Variants in TRIM33 observed in about 807,000 individuals in gnomAD.
TRIM33 encodes E3 ubiquitin-protein ligase TRIM33.
Under a neutral mutation model 125.4 loss-of-function variants are expected in TRIM33, and 20 were observed. That is an observed-to-expected ratio of 0.16 (90% CI 0.11 to 0.23). TRIM33 has a LOEUF of 0.23. Ranked by LOEUF, TRIM33 falls within the 10% of genes least tolerant of loss-of-function variation. The pLI, the probability that TRIM33 is intolerant of heterozygous loss-of-function variation, is 1.00. For missense variants in TRIM33, 920 were observed against 1,411.4 expected (o/e 0.65, Z 5.58); for synonymous variants, 564 against 513.9 (o/e 1.10, Z -1.32).
chr1:114,500,318 C>T (rs771099109), intron 1 of TRIM33, among the ~76,000 whole-genome samples: 1 of 152,012 alleles, frequency 6.6e-6, no homozygotes, highest in Non-Finnish European at 1.5e-5. Flanking sequence ...TTTTTGTTGT[C>T]GTTGTTTTTC....
At chr1:114,481,607 A>T (rs1651349581) in intron 1 of TRIM33, among the ~76,000 whole-genome samples, 1 of 151,478 alleles carries the variant, frequency 6.6e-6, no homozygotes, top group African/African-American at 2.4e-5. Flanking sequence ...AACCCAAGAA[A>T]AACAAAAAAA....
At position 114,424,632 on chromosome 1, in the gene TRIM33, C is replaced by T. The variant is rs751005966; in HGVS notation, c.1819G>A (p.Gly607Ser). The T allele has an allele frequency of 2.5e-5, 41 of 1,608,324 alleles. No individual in the cohort carries two copies. In the South Asian group the frequency reaches 2.6e-4, roughly 10 times the overall value. The change falls in exon 10 of 20, where the codon GGC becomes AGC. Residue 607 changes from glycine to serine, a missense_variant. Coordinates refer to ENST00000358465, the MANE Select transcript of TRIM33 (RefSeq NM_015906.4). ...ARIPGIPRHS[G>S]PQYSMMQPHL... Reference sequence around the variant, plus strand: ...GGCTGCATCATGGAATATTGAGGGCCGCTGTGCCTGGGTATCCCTGGTATT... The same window carrying T: ...GGCTGCATCATGGAATATTGAGGGCTGCTGTGCCTGGGTATCCCTGGTATT...
chr1:114,506,032 T>C (rs1002894413), intron 1 of TRIM33, among the ~76,000 whole-genome samples: 4 of 152,184 alleles, frequency 2.6e-5, no homozygotes, highest in Admixed American at 6.5e-5. Flanking sequence ...CCTCTTCGTA[T>C]TGCAAGACCT....
At chr1:114,448,802 G>A (rs1222525395) in intron 4 of TRIM33, among the ~76,000 whole-genome samples, 2 of 152,128 alleles carry the variant, frequency 1.3e-5, no homozygotes, top group Non-Finnish European at 2.9e-5. Flanking sequence ...GAATGAGCTG[G>A]AGTAACAGAT....
At chr1:114,432,712 G>C (rs1469508834) in intron 5 of TRIM33, among the ~76,000 whole-genome samples, 2 of 152,132 alleles carry the variant, frequency 1.3e-5, no homozygotes, top group African/African-American at 4.8e-5. Context: ...CGTGAACCCA[G>C]AAGGTGGAGC....
At chr1:114,413,513 G>A (rs1428818544) in intron 11 of TRIM33, among the ~76,000 whole-genome samples, 6 of 143,320 alleles carry the variant, frequency 4.2e-5, no homozygotes, top group Non-Finnish European at 7.5e-5. Context: ...AGTCAAGATC[G>A]TGCTATTGCA....
chr1:114,402,939 G>A (rs1041851720), intron 15 of TRIM33, 56 bp from the exon 16 acceptor site: 18 of 1,524,742 alleles, frequency 1.2e-5, no homozygotes, highest in Admixed American at 6.3e-5. Flanking sequence ...CTGCTCTAGA[G>A]AAGCTACTTC....
Position 114,463,524 on chromosome 1 carries a change from T to C in TRIM33, c.678A>G (p.Ala226=). Residue 226 remains alanine, a synonymous_variant, in exon 3 of 20, where the codon GCA becomes GCG. Transcript: ENST00000358465. ...VCTSCEDNAS[A]VGFCVECGEW... is the part of the protein sequence containing the mutation. ...CTCCACATTCTACACAAAAGCCAACTGCACTTGCATTGTCTTCACAACTAG... is the reference window on the plus strand; with the variant it reads ...CTCCACATTCTACACAAAAGCCAACCGCACTTGCATTGTCTTCACAACTAG... The C allele has an allele frequency of 6.2e-7, 1 of 1,610,500 alleles. No homozygotes were observed. The highest frequency in any genetic ancestry group is 8.5e-7 in the Non-Finnish European group (1 of 1,177,054).
At chr1:114,487,846 G>C (rs1158225242) in intron 1 of TRIM33, among the ~76,000 whole-genome samples, 2 of 138,008 alleles carry the variant, frequency 1.4e-5, no homozygotes, top group Non-Finnish European at 3.0e-5. Flanking sequence ...GCAATGAGCC[G>C]AGATTGCGCC....
At chr1:114,422,759 G>A (rs1647283122) in intron 10 of TRIM33, among the ~76,000 whole-genome samples, 1 of 152,020 alleles carries the variant, frequency 6.6e-6, no homozygotes, top group Non-Finnish European at 1.5e-5. Context: ...TCGAATATTT[G>A]ATGATTAACA....
At chr1:114,427,653 C>T in intron 7 of TRIM33, 95 bp downstream of exon 7, 1 of 1,344,586 alleles carries the variant, frequency 7.4e-7, no homozygotes, top group Non-Finnish European at 1.0e-6. Flanking sequence ...TTACATTTGC[C>T]AAAATTAAAA....
chr1:114,425,768 C>A (rs1647528144), intron 8 of TRIM33, 45 bp from the exon 9 acceptor site: 3 of 1,397,932 alleles, frequency 2.1e-6, no homozygotes, highest in Non-Finnish European at 3.0e-6. Context: ...TCAACTAAAT[C>A]ATCTACTTTG....
At chr1:114,504,537 A>G (rs1049267905) in intron 1 of TRIM33, among the ~76,000 whole-genome samples, 5 of 152,178 alleles carry the variant, frequency 3.3e-5, no homozygotes, top group African/African-American at 1.2e-4. Context: ...GGAGAATATC[A>G]AATTAGTGTA....
At chr1:114,493,106 G>A (rs1159420873) in intron 1 of TRIM33, among the ~76,000 whole-genome samples, 1 of 152,200 alleles carries the variant, frequency 6.6e-6, no homozygotes, top group Admixed American at 6.5e-5. Flanking sequence ...CAGGTGTGAA[G>A]TGGTATCTCC....
chr1:114,421,207 T>C (rs1280691581), intron 11 of TRIM33, among the ~76,000 whole-genome samples: 6 of 152,078 alleles, frequency 3.9e-5, no homozygotes, highest in African/African-American at 1.4e-4. Context: ...GATAGAAAGA[T>C]GGTTAACTGG....
chr1:114,427,997 G>T, intron 6 of TRIM33, 103 bp from the exon 7 acceptor site: 1 of 1,195,016 alleles, frequency 8.4e-7, no homozygotes. Context: ...CTTTAAAAAT[G>T]GGCTAAGTGA....
chr1:114,506,222 A>G (rs1480631101), intron 1 of TRIM33, among the ~76,000 whole-genome samples: 1 of 151,892 alleles, frequency 6.6e-6, no homozygotes, highest in East Asian at 1.9e-4. Context: ...TCTCTACTAA[A>G]AATACAAAAA....
rs1382520415 is a variant in TRIM33 at position 114,395,641 on chromosome 1, G to C, written c.*2007C>G. 2 of 196,114 alleles carry C rather than the reference G, an allele frequency of 1.0e-5. No individual in the cohort carries two copies. The highest frequency in any genetic ancestry group is 4.6e-5 in the African/African-American group (2 of 43,298). The allele number at this position is 196,114 out of a possible 1,614,324, so 12.1% of individuals were successfully genotyped here. On this transcript the variant is annotated 3_prime_UTR_variant, in exon 20 of 20. Coordinates refer to ENST00000358465, the MANE Select transcript of TRIM33 (RefSeq NM_015906.4). ...GTGAAAAAAGAGGGAAATTGGCATA[G>C]GCATAAGTATTTTTAAATAATTTTC...
chr1:114,435,712 C>A (rs879614309), intron 4 of TRIM33, among the ~76,000 whole-genome samples: 1 of 151,558 alleles, frequency 6.6e-6, no homozygotes, highest in African/African-American at 2.4e-5. Flanking sequence ...GTAAAATATA[C>A]GTAGTAAAAT....
Sources: allele counts gnomAD v4.1 joint callset (sites outside exome capture counted in the v4.1 genomes callset), GRCh38; gene constraint gnomAD v4.1.1; transcripts MANE v1.5; gene names NCBI Gene and HGNC (gene_info 2026-07-23, HGNC 2026-07-21).